Variants in ME3 observed in about 807,000 individuals in gnomAD.
ME3 encodes malic enzyme 3.
A neutral mutation model predicts 68.9 loss-of-function variants in ME3; 48 were observed. That is an observed-to-expected ratio of 0.70 (90% CI 0.55 to 0.89). The LOEUF is 0.89. Among genes scored for constraint, ME3 ranks in the 40% least tolerant of loss-of-function variants. The pLI, the probability that ME3 is intolerant of heterozygous loss-of-function variation, is 0.00. For synonymous variants in ME3, 320 were observed against 318.8 expected (o/e 1.00, Z -0.04); for missense variants, 675 against 797.4 (o/e 0.85, Z 1.85).
chr11:86,484,938 T>A (rs1335509344), intron 7 of ME3, among the ~76,000 whole-genome samples: 2 of 152,178 alleles, frequency 1.3e-5, no homozygotes, highest in African/African-American at 2.4e-5. Context: ...AGGATTTTTT[T>A]AAGAGGTTAG....
At chr11:86,656,248 G>A (rs937939300) in intron 2 of ME3, among the ~76,000 whole-genome samples, 2 of 151,708 alleles carry the variant, frequency 1.3e-5, no homozygotes, top group Admixed American at 1.3e-4. Context: ...CCCATTACTG[G>A]ATATATACCC....
At chr11:86,669,505 G>A (rs1015189117) in intron 2 of ME3, among the ~76,000 whole-genome samples, 3 of 152,202 alleles carry the variant, frequency 2.0e-5, no homozygotes, top group African/African-American at 7.2e-5. Context: ...CTCAGAGGGT[G>A]GCAGGAGAGA....
intron 2 of ME3, among the ~76,000 whole-genome samples, chr11:86,583,199 C>T (rs1958539001): frequency 6.6e-6 from 1 of 152,130 alleles, no homozygotes; most frequent in Non-Finnish European, 1.5e-5. Flanking sequence ...ATTTAATGAG[C>T]ACAGACTGTG....
chr11:86,439,545 GA>G (rs1948919273), downstream of ME3, among the ~76,000 whole-genome samples: 1 of 151,984 alleles, frequency 6.6e-6, no homozygotes, highest in South Asian at 2.1e-4. Context: ...TCAGTAAAGA[GA>G]AAAAAAGGGA....
intron 4 of ME3, among the ~76,000 whole-genome samples, chr11:86,513,070 A>C (rs1953653785): frequency 6.6e-6 from 1 of 152,218 alleles, no homozygotes; most frequent in South Asian, 2.1e-4. Flanking sequence ...AGATCCATGC[A>C]CTATTTTAGA....
At chr11:86,590,622 G>T (rs1464141452) in intron 2 of ME3, among the ~76,000 whole-genome samples, 3 of 152,218 alleles carry the variant, frequency 2.0e-5, no homozygotes, top group Non-Finnish European at 4.4e-5. Context: ...CACCTGGGAG[G>T]TGAGGCTGAT....
exon 14 of ME3, chr11:86,442,902 G>A: frequency 6.2e-7 from 1 of 1,612,304 alleles, no homozygotes. Flanking sequence ...GCTGCTCAGA[G>A]ACTTCCTGGG....
intron 2 of ME3, among the ~76,000 whole-genome samples, chr11:86,645,654 G>A (rs1442402702): frequency 1.3e-5 from 2 of 152,322 alleles, no homozygotes; most frequent in East Asian, 3.9e-4. Flanking sequence ...CTGCCTGCCG[G>A]CTCTGAAGAG....
chr11:86,651,109 G>C (rs898826237), intron 2 of ME3, among the ~76,000 whole-genome samples: 6 of 152,206 alleles, frequency 3.9e-5, no homozygotes, highest in African/African-American at 1.4e-4. Flanking sequence ...GCTCAAACTG[G>C]GTGGAGACCA....
chr11:86,496,354 C>T (rs920837523), intron 6 of ME3, among the ~76,000 whole-genome samples: 2 of 151,922 alleles, frequency 1.3e-5, no homozygotes, highest in East Asian at 1.9e-4. Context: ...TGCAGCGAGC[C>T]GAGATCACGC....
At chr11:86,653,266 C>A (rs1193824402) in intron 2 of ME3, among the ~76,000 whole-genome samples, 5 of 152,182 alleles carry the variant, frequency 3.3e-5, no homozygotes, top group Non-Finnish European at 7.3e-5. Flanking sequence ...CTACAGAACT[C>A]TCCACCCCAA....
At chr11:86,519,037 G>A (rs1419612441) in intron 4 of ME3, among the ~76,000 whole-genome samples, 1 of 152,134 alleles carries the variant, frequency 6.6e-6, no homozygotes, top group African/African-American at 2.4e-5. Flanking sequence ...AGAACTATGA[G>A]AAAATAAATT....
At chr11:86,618,474 G>C (rs1943130984) in intron 2 of ME3, among the ~76,000 whole-genome samples, 1 of 152,110 alleles carries the variant, frequency 6.6e-6, no homozygotes, top group African/African-American at 2.4e-5. Context: ...CTTCCACAGA[G>C]GTCACATTTA....
intron 2 of ME3, among the ~76,000 whole-genome samples, chr11:86,562,086 C>G (rs1378429022): frequency 6.6e-6 from 1 of 152,084 alleles, no homozygotes; most frequent in Non-Finnish European, 1.5e-5. Flanking sequence ...TCTTTCCTTC[C>G]CCAAACCTCT....
At chr11:86,536,132 T>C (rs1955640712) in intron 4 of ME3, among the ~76,000 whole-genome samples, 1 of 152,224 alleles carries the variant, frequency 6.6e-6, no homozygotes, top group East Asian at 1.9e-4. Flanking sequence ...GGAAGGGGGC[T>C]GCCTTGTCTG....
At chr11:86,500,366 G>A (rs1952639879) in intron 5 of ME3, among the ~76,000 whole-genome samples, 10 of 152,334 alleles carry the variant, frequency 6.6e-5, no homozygotes, top group Admixed American at 6.5e-4. Flanking sequence ...ATGCCCCAGG[G>A]CACTCTACTG....
intron 2 of ME3, among the ~76,000 whole-genome samples, chr11:86,668,788 G>T (rs144716307): frequency 3.3e-5 from 5 of 152,148 alleles, no homozygotes; most frequent in African/African-American, 1.2e-4. Flanking sequence ...CTAATCTGTC[G>T]AAATGAGCTG....
chr11:86,640,820 T>G (rs1422694980), intron 2 of ME3, among the ~76,000 whole-genome samples: 1 of 152,136 alleles, frequency 6.6e-6, no homozygotes, highest in East Asian at 1.9e-4. Flanking sequence ...TTTTCTCTCC[T>G]CCCCAATTCA....
intron 13 of ME3, among the ~76,000 whole-genome samples, chr11:86,445,790 A>G (rs1949251826): frequency 6.6e-6 from 1 of 152,206 alleles, no homozygotes; most frequent in Non-Finnish European, 1.5e-5. Context: ...TGGAATAGGT[A>G]CATCTCCAAT....
Sources: gnomAD v4.1 joint callset for allele counts (sites outside exome capture counted in the v4.1 genomes callset) on GRCh38, gnomAD v4.1.1 for gene constraint, MANE v1.5 for transcripts, NCBI Gene and HGNC (gene_info 2026-07-23, HGNC 2026-07-21) for gene names.